AK9: variants seen among roughly 807,000 people sequenced by gnomAD.
The protein encoded by AK9 is adenylate kinase domain containing 1.
Under a neutral mutation model 239.6 loss-of-function variants are expected in AK9, and 191 were observed. The observed-to-expected ratio is 0.80, with a 90% CI of 0.71 to 0.90. AK9 has a LOEUF of 0.90. Ranked by LOEUF, AK9 falls within the 40% of genes least tolerant of loss-of-function variation. AK9 has a pLI of 0.00. For missense variants in AK9, 1,995 were observed against 2,214.7 expected (o/e 0.90, Z 1.99); for synonymous variants, 689 against 721.0 (o/e 0.96, Z 0.71).
chr6:109,602,898 C>A (rs1441492172), intron 17 of AK9, among the ~76,000 whole-genome samples: 2 of 152,152 alleles, frequency 1.3e-5, no homozygotes, highest in Non-Finnish European at 2.9e-5. Context: ...TCACGTAGTT[C>A]TCGTGCCATG....
rs138941566 is a variant in AK9 at position 109,532,411 on chromosome 6, A to C, written c.3570+840T>G. Among the ~76,000 whole-genome samples the C allele has an allele frequency of 3.7e-3, 567 of 152,282 alleles. 2 individuals are homozygous for C. Among genetic ancestry groups the C allele is most frequent in the African/African-American group, 0.012 (491 of 41,558 alleles). Reference sequence around the variant, plus strand: ...TCTCATGCTTCATCTGGGCCATCCTAGGTCCAGACTCAAAAGCCCATTCTT... The same window carrying C: ...TCTCATGCTTCATCTGGGCCATCCTCGGTCCAGACTCAAAAGCCCATTCTT... On this transcript the variant is annotated intron_variant, in intron 28 of 40. Transcript: ENST00000424296.
intron 32 of AK9, among the ~76,000 whole-genome samples, chr6:109,510,759 T>C (rs1270567731): frequency 1.3e-5 from 2 of 152,204 alleles, no homozygotes; most frequent in African/African-American, 4.8e-5. Context: ...TGGGCAAAAG[T>C]GCTGCAGCCA....
At chr6:109,671,830 A>G (rs1770947267) in intron 5 of AK9, 89 bp downstream of exon 5, 1 of 1,137,030 alleles carries the variant, frequency 8.8e-7, no homozygotes, top group Non-Finnish European at 1.3e-6. Context: ...GGCAAAAGAA[A>G]GGGCAACTCC....
intron 8 of AK9, among the ~76,000 whole-genome samples, chr6:109,647,924 G>A (rs1042083932): frequency 6.6e-6 from 1 of 152,056 alleles, no homozygotes; most frequent in African/African-American, 2.4e-5. Flanking sequence ...TAGAACTCAG[G>A]ATTAAGAAAC....
At chr6:109,667,534 T>G (rs1422216295) in intron 5 of AK9, among the ~76,000 whole-genome samples, 1 of 152,130 alleles carries the variant, frequency 6.6e-6, no homozygotes, top group African/African-American at 2.4e-5. Context: ...CTATATCTCC[T>G]AATCCTTTCC....
At chr6:109,628,687 T>C (rs995322832) in intron 12 of AK9, among the ~76,000 whole-genome samples, 1 of 152,202 alleles carries the variant, frequency 6.6e-6, no homozygotes. Context: ...CTTACTATTA[T>C]TTTATGTTAC....
Position 109,506,341 on chromosome 6 carries a change from T to C in AK9, c.4835A>G (p.Glu1612Gly), listed in dbSNP as rs1259948563. The C allele has an allele frequency of 1.2e-6, 2 of 1,613,462 alleles. No homozygotes were observed. The highest frequency in any genetic ancestry group is 1.1e-5 in the South Asian group (1 of 91,052). Reference sequence around the variant, plus strand: ...TGCTATCTTACCTGCTTTTATTCTTTCCAGGTATGTCTGCATGTATTTATT... The same window carrying C: ...TGCTATCTTACCTGCTTTTATTCTTCCCAGGTATGTCTGCATGTATTTATT... ...MVNKYMQTYL[E>G]RIKAGKAACI... is the part of the protein sequence containing the mutation. Residue 1612 changes from glutamate to glycine, a missense_variant, in exon 35 of 41, where the codon GAA becomes GGA. Physicochemically the swap from Glu to Gly is moderately conservative, Grantham distance 98. Transcript: ENST00000424296.
intron 17 of AK9, among the ~76,000 whole-genome samples, chr6:109,597,759 CAG>C (rs921663663): frequency 2.9e-4 from 44 of 151,550 alleles, no homozygotes; most frequent in African/African-American, 1.0e-3. Context: ...GAAGAAGAGA[CAG>C]AGGCAAGTTT....
At chr6:109,652,699 A>G (rs1799141065) in intron 8 of AK9, among the ~76,000 whole-genome samples, 1 of 152,208 alleles carries the variant, frequency 6.6e-6, no homozygotes, top group South Asian at 2.1e-4. Context: ...AATTACAAAA[A>G]TAACTTGTAC....
intron 27 of AK9, among the ~76,000 whole-genome samples, chr6:109,540,324 C>T (rs376838494): frequency 7.9e-5 from 12 of 152,192 alleles, no homozygotes; most frequent in African/African-American, 2.4e-4. Flanking sequence ...CCCCCAGCCT[C>T]GCTGCCATGT....
In AK9 at chr6:109,495,336, AC is replaced by A; in HGVS notation, c.5418+1del. 1 of 1,602,596 alleles carries A rather than the reference AC, an allele frequency of 6.2e-7. No homozygotes were observed. Among genetic ancestry groups the A allele is most frequent in the Non-Finnish European group, 8.5e-7 (1 of 1,172,100 alleles). On this transcript the variant is annotated splice_donor_variant, in intron 39 of 40. Transcript: ENST00000424296. LOFTEE classifies it high-confidence loss of function. Reference sequence around the variant, plus strand: ...ATATAACAGAAAATTAAGTAAAAGAACCTGTTCCAGATATCCAGGCAAAGGA... The same window carrying A: ...ATATAACAGAAAATTAAGTAAAAGAACTGTTCCAGATATCCAGGCAAAGGA...
intron 20 of AK9, among the ~76,000 whole-genome samples, chr6:109,574,095 T>C (rs1391528734): frequency 6.6e-6 from 1 of 152,234 alleles, no homozygotes; most frequent in Non-Finnish European, 1.5e-5. Flanking sequence ...GTGTGGCTTA[T>C]ATTATGTTTC....
At chr6:109,651,456 A>T (rs996103391) in intron 8 of AK9, among the ~76,000 whole-genome samples, 1 of 152,186 alleles carries the variant, frequency 6.6e-6, no homozygotes, top group Non-Finnish European at 1.5e-5. Context: ...AATGCCCACA[A>T]GAGAAAGCAG....
In AK9 at chr6:109,550,153, A is replaced by G. The variant is rs372899848; in HGVS notation, c.2901T>C (p.Ala967=). 13 of 1,613,920 alleles carry G rather than the reference A, an allele frequency of 8.1e-6. No homozygotes were observed. Among genetic ancestry groups the G allele is most frequent in the African/African-American group, 6.7e-5 (5 of 74,920 alleles). The change falls in exon 25 of 41, where the codon GCT becomes GCC. Residue 967 remains alanine (A), a synonymous_variant. Coordinates refer to ENST00000424296, the MANE Select transcript of AK9 (RefSeq NM_001145128.3). ...YREKIYYFSS[A]EAKEKFLEHP... Reference sequence around the variant, plus strand: ...GCTCCAAAAACTTTTCTTTAGCCTCAGCACTTGAAAAGTAGTAGATCTTTT... The same window carrying G: ...GCTCCAAAAACTTTTCTTTAGCCTCGGCACTTGAAAAGTAGTAGATCTTTT...
At chr6:109,521,895 T>A (rs1047606985) in intron 29 of AK9, among the ~76,000 whole-genome samples, 1 of 151,996 alleles carries the variant, frequency 6.6e-6, no homozygotes, top group Non-Finnish European at 1.5e-5. Flanking sequence ...TTTCGTTTGT[T>A]TTATTGTTGT....
At chr6:109,526,649 A>G (rs776949786) in intron 29 of AK9, among the ~76,000 whole-genome samples, 65 of 152,198 alleles carry the variant, frequency 4.3e-4, no homozygotes, top group Non-Finnish European at 5.3e-4. Flanking sequence ...GACCTGTCAG[A>G]GTTCTCAGGG....
intron 27 of AK9, among the ~76,000 whole-genome samples, chr6:109,541,133 T>C (rs1782823610): frequency 6.6e-6 from 1 of 152,210 alleles, no homozygotes; most frequent in African/African-American, 2.4e-5. Flanking sequence ...AGCCCCTTAG[T>C]ATATCTCTCT....
intron 8 of AK9, among the ~76,000 whole-genome samples, chr6:109,649,789 C>G (rs899175371): frequency 3.9e-5 from 6 of 152,188 alleles, no homozygotes; most frequent in African/African-American, 1.4e-4. Flanking sequence ...CAATCCTAAG[C>G]CAAAAGAACA....
At chr6:109,680,243 T>C (rs1171924389) in intron 1 of AK9, among the ~76,000 whole-genome samples, 3 of 152,038 alleles carry the variant, frequency 2.0e-5, no homozygotes, top group Admixed American at 2.0e-4. Context: ...GAATAACCAG[T>C]GTAGAGAAGA....
Sources: gnomAD v4.1 joint callset for allele counts (sites outside exome capture counted in the v4.1 genomes callset) on GRCh38, gnomAD v4.1.1 for gene constraint, MANE v1.5 for transcripts, NCBI Gene and HGNC (gene_info 2026-07-23, HGNC 2026-07-21) for gene names.